Variants in KCNA2 observed in about 807,000 individuals in gnomAD.
KCNA2 encodes the protein potassium voltage-gated channel subfamily A member 2, also known as potassium channel, voltage gated shaker related subfamily A, member 2.
Under a neutral mutation model 33.4 loss-of-function variants are expected in KCNA2, and 11 were observed. The ratio of observed to expected loss-of-function variants is 0.33; its 90% CI spans 0.21 to 0.55. KCNA2 has a LOEUF of 0.55. Among genes scored for constraint, KCNA2 ranks in the 20% least tolerant of loss-of-function variants. KCNA2 has a pLI of 0.93. For synonymous variants in KCNA2, 222 were observed against 231.3 expected, an observed-to-expected ratio of 0.96 and a Z score of 0.37; for missense variants, 291 against 621.6, an observed-to-expected ratio of 0.47 and a Z score of 5.66.
chr1:110,619,766 C>T (rs1650187811), intron 1 of KCNA2, among the ~76,000 whole-genome samples: 2 of 152,188 alleles, frequency 1.3e-5, no homozygotes, highest in Non-Finnish European at 2.9e-5. Flanking sequence ...AGCCCTTAAA[C>T]CCCAGCACTT....
intron 1 of KCNA2, among the ~76,000 whole-genome samples, chr1:110,619,462 C>CA (rs746094543): frequency 1.3e-5 from 2 of 152,246 alleles, no homozygotes; most frequent in Admixed American, 6.5e-5. Flanking sequence ...CCTACACATA[C>CA]AAGGTGGAAA....
intron 1 of KCNA2, among the ~76,000 whole-genome samples, chr1:110,615,557 G>C (rs1456240835): frequency 6.6e-6 from 1 of 152,228 alleles, no homozygotes; most frequent in Admixed American, 6.5e-5. Context: ...GATTTTCTTT[G>C]CCACCAGATG....
rs1382844815 is a variant in KCNA2, at chr1:110,593,861, G to A, written c.*9422C>T. The A allele has an allele frequency of 1.3e-6, 2 of 1,549,394 alleles. No individual in the cohort carries two copies. Among genetic ancestry groups the A allele is most frequent in the Admixed American group, 2.0e-5 (1 of 50,802 alleles). On this transcript the variant is annotated 3_prime_UTR_variant, in exon 3 of 3. Coordinates refer to ENST00000316361, the MANE Select transcript of KCNA2 (RefSeq NM_004974.4). ...TGGGGCAGTGTTGGTGGGGCTGAAA[G>A]CTTCCAGAATATGTCAGCAAGAATG...
At chr1:110,622,473 T>C (rs754980284) in intron 1 of KCNA2, among the ~76,000 whole-genome samples, 19 of 152,144 alleles carry the variant, frequency 1.2e-4, no homozygotes, top group Non-Finnish European at 2.2e-4. Flanking sequence ...TTTAAGATTC[T>C]ATTGGAGCTT....
chr1:110,604,503 A>T lies in KCNA2; in HGVS notation c.280T>A (p.Ser94Thr). ...ACAGGTCGCCTCAATCGGCCCCCTG[A>T]CTGGTAGTAGTACAAAATGGCATCA... is the stretch of plus-strand genomic sequence containing the variant. ...SFDAILYYYQSGGRLRRPVNV... is the reference protein window; with the variant it reads ...SFDAILYYYQTGGRLRRPVNV... The change falls in exon 3 of 3, where the codon TCA becomes ACA. Residue 94 changes from serine (S) to threonine (T), a missense_variant. Physicochemically the swap from Ser to Thr is moderately conservative, Grantham distance 58 (BLOSUM62 1). Around this residue, in one of 5 missense-constraint regions of KCNA2, gnomAD observed 163 missense variants for 273.5 expected, o/e 0.60. Transcript: ENST00000316361. The surrounding 1 kb of genome is among the most constrained non-coding windows in gnomAD (Gnocchi z 7.6). The T allele has an allele frequency of 6.2e-7, 1 of 1,614,194 alleles. No homozygotes were observed.
In KCNA2 at chr1:110,593,951, AAT is replaced by A. The variant is rs1431662912; in HGVS notation, c.*9330_*9331del. On this transcript the variant is annotated 3_prime_UTR_variant, in exon 3 of 3. Coordinates refer to ENST00000316361, the MANE Select transcript of KCNA2 (RefSeq NM_004974.4). ...TGTCTAAATTTTCAAGAAGCAAACA[AAT>A]AGTTAAATGACTCCCAACTCCCATG... The A allele has an allele frequency of 6.5e-7, 1 of 1,549,492 alleles. No homozygotes were observed. The highest frequency in any genetic ancestry group is 8.7e-7 in the Non-Finnish European group (1 of 1,146,614).
intron 1 of KCNA2, among the ~76,000 whole-genome samples, chr1:110,631,008 G>C (rs1650542881): frequency 6.6e-6 from 1 of 152,196 alleles, no homozygotes; most frequent in Admixed American, 6.5e-5. Flanking sequence ...TCAAGCACAG[G>C]TCTGGCCTTG....
chr1:110,611,452 T>C (rs1022060774), intron 1 of KCNA2, among the ~76,000 whole-genome samples: 2 of 152,218 alleles, frequency 1.3e-5, no homozygotes, highest in South Asian at 2.1e-4. Context: ...GTTCTTTTAT[T>C]ACAAGGTGGC....
intron 1 of KCNA2, among the ~76,000 whole-genome samples, chr1:110,628,394 A>G (rs900173331): frequency 6.6e-6 from 1 of 152,162 alleles, no homozygotes; most frequent in Non-Finnish European, 1.5e-5. Flanking sequence ...TGTTAGGTTC[A>G]CTGTGAAGAA....
intron 1 of KCNA2, among the ~76,000 whole-genome samples, chr1:110,629,217 AC>A (rs1468967486): frequency 6.6e-6 from 1 of 152,120 alleles, no homozygotes; most frequent in African/African-American, 2.4e-5. Context: ...ATCCCCAATT[AC>A]CACCAAATCA....
rs1163133162 is a variant in KCNA2, at chr1:110,600,559, A to G, written c.*2724T>C. 2.0e-6 allele frequency: 2 copies of G among 985,008 alleles called. No homozygotes were observed. The highest frequency in any genetic ancestry group is 2.4e-6 in the Non-Finnish European group (2 of 829,872). 61.0% of individuals were successfully genotyped at this position (985,008 alleles called of 1,614,324 possible). A position where few individuals can be genotyped will look rare whatever the true frequency, so the allele number is the denominator to read the frequency against. ...CTGTATTTTGCACGTTACATGTTTTATGTTTGTGTGTGACAACAGTGTACC... is the reference window on the plus strand; with the variant it reads ...CTGTATTTTGCACGTTACATGTTTTGTGTTTGTGTGTGACAACAGTGTACC... On this transcript the variant is annotated 3_prime_UTR_variant, in exon 3 of 3. Transcript: ENST00000316361.
chr1:110,594,358 A>C lies in KCNA2; in HGVS notation c.*8925T>G. On this transcript the variant is annotated 3_prime_UTR_variant, in exon 3 of 3. Transcript: ENST00000316361. ...ATATATATACACACACATCACACAC[A>C]ATATAAAGTCTCCAGAGGCAGCCTA... The C allele has an allele frequency of 2.0e-6, 2 of 982,636 alleles. No homozygotes were observed. Among genetic ancestry groups the C allele is most frequent in the Non-Finnish European group, 2.4e-6 (2 of 828,684 alleles). The allele number at this position is 982,636 out of a possible 1,614,324, so 60.9% of individuals were successfully genotyped here. A position where few individuals can be genotyped will look rare whatever the true frequency, so the allele number is the denominator to read the frequency against.
chr1:110,595,778 A>G lies in KCNA2; in HGVS notation c.*7505T>C, dbSNP rs1649069185. 1.0e-6 allele frequency: 1 copy of G among 985,346 alleles called. No individual in the cohort carries two copies. Among genetic ancestry groups the G allele is most frequent in the Admixed American group, 6.1e-5 (1 of 16,274 alleles). 61.0% of individuals were successfully genotyped at this position (985,346 alleles called of 1,614,324 possible). ...AAAACAGAATGGATTTGTTAGTTCC[A>G]TTGATTGCCACAAACCTCACCTTCT... On this transcript the variant is annotated 3_prime_UTR_variant, in exon 3 of 3. Transcript: ENST00000316361.
chr1:110,603,828 G>C lies in KCNA2; in HGVS notation c.955C>G (p.Gln319Glu). The C allele has an allele frequency of 6.2e-7, 1 of 1,614,142 alleles. No homozygotes were observed. Among genetic ancestry groups the C allele is most frequent in the East Asian group, 2.2e-5 (1 of 44,888 alleles). Residue 319 changes from glutamine (Q) to glutamate (E), a missense_variant, in exon 3 of 3, where the codon CAG becomes GAG. Gln to Glu is a conservative substitution (Grantham distance 29, BLOSUM62 2). This residue lies in a region of KCNA2 where 43 missense variants were observed against 159.4 expected (regional missense o/e 0.27). Coordinates refer to ENST00000316361, the MANE Select transcript of KCNA2 (RefSeq NM_004974.4). This position sits in a 1 kb window ranked among gnomAD's most constrained non-coding sequence, Gnocchi z 5.7. The part of the protein sequence containing the change: ...RHSKGLQILG[Q>E]TLKASMRELG... Reference sequence around the variant, plus strand: ...TCTCTCATGCTGGCTTTGAGGGTCTGACCTAGAATCTGGAGACCTTTGGAG... The same window carrying C: ...TCTCTCATGCTGGCTTTGAGGGTCTCACCTAGAATCTGGAGACCTTTGGAG...
intron 1 of KCNA2, among the ~76,000 whole-genome samples, chr1:110,612,605 G>T (rs1649911886): frequency 6.6e-6 from 1 of 152,186 alleles, no homozygotes; most frequent in Non-Finnish European, 1.5e-5. Flanking sequence ...TGCAACCCCT[G>T]TTGGTCCTGT....
intron 1 of KCNA2, among the ~76,000 whole-genome samples, chr1:110,620,053 C>CGAGAGAGAGAGAGAGAGAGAGAGAGAGA (rs3050013): frequency 6.3e-5 from 8 of 126,730 alleles, no homozygotes; most frequent in Non-Finnish European, 1.1e-4. Context: ...AGAGCGAGAG[C>CGAGAGAGAGAGAGAGAGAGAGAGAGAGA]GAGAGAGAGA....
In KCNA2 at chr1:110,602,435, C is replaced by T; in HGVS notation, c.*848G>A. ...GCTCTATTGCATCACTGGTAAATTT[C>T]ACTGCAGTGTCAGTGTAGCTGGGCC... On this transcript the variant is annotated 3_prime_UTR_variant, in exon 3 of 3. Coordinates refer to ENST00000316361, the MANE Select transcript of KCNA2 (RefSeq NM_004974.4). 1.5e-6 allele frequency: 2 copies of T among 1,310,918 alleles called. No individual in the cohort carries two copies. The highest frequency in any genetic ancestry group is 1.9e-6 in the Non-Finnish European group (2 of 1,029,626). 81.2% of individuals were successfully genotyped at this position (1,310,918 alleles called of 1,614,324 possible). A position where few individuals can be genotyped will look rare whatever the true frequency, so the allele number is the denominator to read the frequency against.
At position 110,596,357 on chromosome 1, in the gene KCNA2, A is replaced by T; in HGVS notation, c.*6926T>A. On this transcript the variant is annotated 3_prime_UTR_variant, in exon 3 of 3. Coordinates refer to ENST00000316361, the MANE Select transcript of KCNA2 (RefSeq NM_004974.4). Reference sequence around the variant, plus strand: ...ATACTATATATATATATATACACACATAAATATATGTATATATGGAAAACC... The same window carrying T: ...ATACTATATATATATATATACACACTTAAATATATGTATATATGGAAAACC... 2.8e-6 allele frequency: 1 copy of T among 359,360 alleles called. No homozygotes were observed. The highest frequency in any genetic ancestry group is 1.7e-4 in the East Asian group (1 of 5,974). The allele number at this position is 359,360 out of a possible 1,614,324, so 22.3% of individuals were successfully genotyped here.
At position 110,593,651 on chromosome 1, in the gene KCNA2, T is replaced by G; in HGVS notation, c.*9632A>C. 2.7e-6 allele frequency: 1 copy of G among 375,136 alleles called. No homozygotes were observed. The highest frequency in any genetic ancestry group is 4.7e-6 in the Non-Finnish European group (1 of 212,914). The allele number at this position is 375,136 out of a possible 1,614,324, so 23.2% of individuals were successfully genotyped here. On this transcript the variant is annotated 3_prime_UTR_variant, in exon 3 of 3. Coordinates refer to ENST00000316361, the MANE Select transcript of KCNA2 (RefSeq NM_004974.4). The stretch of plus-strand genomic sequence containing the variant: ...AAAATAAATCCCCAGTAATATATAT[T>G]TATATACTTATTTACTTGTGTCAAT...
Sources: allele counts gnomAD v4.1 joint callset (sites outside exome capture counted in the v4.1 genomes callset), GRCh38; gene constraint gnomAD v4.1.1; regional missense constraint gnomAD v4.1.1; non-coding constraint Gnocchi (gnomAD v3.1); transcripts MANE v1.5; gene names NCBI Gene and HGNC (gene_info 2026-07-23, HGNC 2026-07-21).